Variants in GRIK2 observed in about 807,000 individuals in gnomAD.
GRIK2 encodes the protein glutamate ionotropic receptor kainate type subunit 2.
Under a neutral mutation model 100.3 loss-of-function variants are expected in GRIK2, and 32 were observed. That is an observed-to-expected ratio of 0.32 (90% confidence interval 0.24 to 0.43). The LOEUF (loss-of-function observed/expected upper bound fraction) is 0.43. GRIK2 is among the 20% of genes least tolerant of loss of function. GRIK2 has a pLI of 1.00. For synonymous variants in GRIK2, 417 were observed against 389.4 expected (o/e 1.07, Z -0.83); for missense variants, 843 against 1,114.9 (o/e 0.76, Z 3.47).
chr6:101,967,770 A>G (rs985148368), intron 14 of GRIK2, among the ~76,000 whole-genome samples: 1 of 152,134 alleles, frequency 6.6e-6, no homozygotes, highest in Non-Finnish European at 1.5e-5. Context: ...GTTTAACCCA[A>G]TAACGAATAG....
At chr6:101,776,068 T>C (rs1202573117) in intron 7 of GRIK2, among the ~76,000 whole-genome samples, 3 of 152,108 alleles carry the variant, frequency 2.0e-5, no homozygotes, top group African/African-American at 4.8e-5. Context: ...TGCTGTAATA[T>C]TGGAGAATGA....
intron 14 of GRIK2, among the ~76,000 whole-genome samples, chr6:102,006,379 T>TA (rs1795227005): frequency 8.8e-6 from 1 of 114,120 alleles, no homozygotes. Context: ...TATATATATA[T>TA]ATATATATAT....
chr6:101,789,292 C>G (rs963306116), intron 7 of GRIK2, among the ~76,000 whole-genome samples: 1 of 152,196 alleles, frequency 6.6e-6, no homozygotes, highest in Admixed American at 6.5e-5. Context: ...ATGCCTATGT[C>G]CTGAATGGCA....
rs143265191 is a variant in GRIK2 at position 101,904,873 on chromosome 6, G to A, written c.1748+15010G>A. On this transcript the variant is annotated intron_variant, in intron 12 of 16. Coordinates refer to ENST00000369134, the MANE Select transcript of GRIK2 (RefSeq NM_021956.5). ...TCAGTACTCAAGGTGGATTAATTAT[G>A]TAGATTTTAATTTCATCCACAGTTG... Among the ~76,000 whole-genome samples the A allele has an allele frequency of 7.9e-3, 1,201 of 151,546 alleles. 22 individuals carry two copies. The highest frequency in any genetic ancestry group is 0.027 in the African/African-American group (1,138 of 41,476).
At chr6:101,434,892 G>A (rs1330917501) in intron 2 of GRIK2, among the ~76,000 whole-genome samples, 1 of 152,092 alleles carries the variant, frequency 6.6e-6, no homozygotes, top group African/African-American at 2.4e-5. Context: ...TTTCTCTGCA[G>A]CTGCCCCGTG....
At chr6:101,742,734 G>A (rs752857828) in intron 7 of GRIK2, among the ~76,000 whole-genome samples, 2 of 152,172 alleles carry the variant, frequency 1.3e-5, no homozygotes, top group African/African-American at 4.8e-5. Context: ...TGGTTGTAGA[G>A]ACCAAAGTTT....
intron 14 of GRIK2, among the ~76,000 whole-genome samples, chr6:101,970,346 G>T (rs921837731): frequency 6.6e-6 from 1 of 151,870 alleles, no homozygotes; most frequent in African/African-American, 2.4e-5. Flanking sequence ...AAAGAATTTA[G>T]GCAGCCAGTG....
intron 2 of GRIK2, among the ~76,000 whole-genome samples, chr6:101,585,481 C>T (rs1301347128): frequency 6.6e-6 from 1 of 151,794 alleles, no homozygotes; most frequent in Admixed American, 6.6e-5. Flanking sequence ...ATTTACATAC[C>T]CTAATCTCAA....
chr6:101,847,857 T>C (rs1430029637), intron 10 of GRIK2, among the ~76,000 whole-genome samples: 6 of 152,096 alleles, frequency 3.9e-5, no homozygotes, highest in Admixed American at 3.3e-4. Context: ...CTAGTCTTTC[T>C]GTCTCAGGCT....
At chr6:101,756,217 A>G (rs1012471245) in intron 7 of GRIK2, among the ~76,000 whole-genome samples, 27 of 152,190 alleles carry the variant, frequency 1.8e-4, no homozygotes, top group African/African-American at 6.5e-4. Flanking sequence ...AGGCACTGGG[A>G]TATTTAGAAA....
intron 14 of GRIK2, among the ~76,000 whole-genome samples, chr6:102,034,181 T>C (rs1448040520): frequency 1.3e-5 from 2 of 151,380 alleles, no homozygotes; most frequent in Non-Finnish European, 3.0e-5. Context: ...CTTGTCTTTA[T>C]AGAGCACTCA....
At position 101,832,749 on chromosome 6, in the gene GRIK2, T is replaced by TTTCA. The variant is rs551874464; in HGVS notation, c.1317+14267_1317+14270dup. Reference sequence around the variant, plus strand: ...TTTTTTTAAAATCTTGAACCCACTCTTTCAATACAGGTGCCCATTATTATA... The same window carrying TTTCA: ...TTTTTTTAAAATCTTGAACCCACTCTTTCATTCAATACAGGTGCCCATTATTATA... On this transcript the variant is annotated intron_variant, in intron 10 of 16. Coordinates refer to ENST00000369134, the MANE Select transcript of GRIK2 (RefSeq NM_021956.5). Among the ~76,000 whole-genome samples, 61 of 152,352 alleles carry TTTCA rather than the reference T, an allele frequency of 4.0e-4. No individual in the cohort carries two copies. In the East Asian group the frequency reaches 0.012, roughly 29 times the overall value.
At chr6:101,795,496 G>A (rs1281842785) in intron 7 of GRIK2, among the ~76,000 whole-genome samples, 2 of 152,190 alleles carry the variant, frequency 1.3e-5, no homozygotes, top group African/African-American at 4.8e-5. Context: ...GGCTCAGGTG[G>A]GCCAATTGTT....
At chr6:101,917,995 G>A (rs1372519940) in intron 12 of GRIK2, among the ~76,000 whole-genome samples, 1 of 151,480 alleles carries the variant, frequency 6.6e-6, no homozygotes, top group Non-Finnish European at 1.5e-5. Flanking sequence ...ACAAATTAAT[G>A]TGAAAAGCTA....
At chr6:101,749,238 AACTGGGATTACAAGTGCCC>A (rs2128383185) in intron 7 of GRIK2, among the ~76,000 whole-genome samples, 1 of 152,186 alleles carries the variant, frequency 6.6e-6, no homozygotes, top group South Asian at 2.1e-4. Flanking sequence ...CCTCCCGAGT[AACTGGGATTACAAGTGCCC>A]ACCACTATGC....
At chr6:101,956,629 A>G (rs568055352) in intron 14 of GRIK2, among the ~76,000 whole-genome samples, 2 of 151,808 alleles carry the variant, frequency 1.3e-5, no homozygotes, top group East Asian at 3.9e-4. Flanking sequence ...TGAGAATATG[A>G]GGTATTTGAC....
intron 2 of GRIK2, among the ~76,000 whole-genome samples, chr6:101,548,192 T>C (rs1461848805): frequency 1.3e-5 from 2 of 152,322 alleles, no homozygotes; most frequent in Admixed American, 1.3e-4. Context: ...GTAAATTTGT[T>C]TGAGTTCTTT....
At chr6:101,867,658 A>T (rs183845164) in intron 11 of GRIK2, among the ~76,000 whole-genome samples, 10 of 151,862 alleles carry the variant, frequency 6.6e-5, no homozygotes, top group East Asian at 1.9e-4. Context: ...ATATTTTATT[A>T]AAAAAGGTAT....
chr6:101,698,284 C>T (rs6929654), intron 7 of GRIK2, among the ~76,000 whole-genome samples: 2,280 of 152,182 alleles, frequency 0.015, 38 homozygotes, highest in African/African-American at 0.044. Context: ...CAAGAATCTA[C>T]TCTGATGCAC....
Sources: allele counts gnomAD v4.1 joint callset (sites outside exome capture counted in the v4.1 genomes callset), GRCh38; gene constraint gnomAD v4.1.1; transcripts MANE v1.5; gene names NCBI Gene and HGNC (gene_info 2026-07-23, HGNC 2026-07-21).